The following MKNK1 variants were observed in gnomAD, a reference collection of about 807,000 sequenced individuals.
The protein encoded by MKNK1 is MAP kinase-interacting serine/threonine-protein kinase 1.
Under a neutral mutation model 49.3 loss-of-function variants are expected in MKNK1, and 30 were observed. The ratio of observed to expected loss-of-function variants is 0.61; its 90% confidence interval spans 0.46 to 0.83. MKNK1 has a LOEUF of 0.83. MKNK1 is among the 40% of genes least tolerant of loss of function. MKNK1 has a pLI of 0.00. For synonymous variants in MKNK1, 176 were observed against 201.7 expected (o/e 0.87, Z 1.08); for missense variants, 423 against 524.7 (o/e 0.81, Z 1.89).
intron 11 of MKNK1, among the ~76,000 whole-genome samples, 177 bp downstream of exon 11, chr1:46,561,301 C>T (rs1557821863): frequency 6.6e-6 from 1 of 152,310 alleles, no homozygotes; most frequent in African/African-American, 2.4e-5. Flanking sequence ...CTATAAGGGG[C>T]TCAGTCTGGG....
chr1:46,595,658 A>G (rs1167973721), intron 1 of MKNK1, among the ~76,000 whole-genome samples: 1 of 152,140 alleles, frequency 6.6e-6, no homozygotes, highest in Non-Finnish European at 1.5e-5. Flanking sequence ...TTTATTCCCA[A>G]ACAAATCTGA....
chr1:46,579,994 G>A (rs1002823430), intron 4 of MKNK1, among the ~76,000 whole-genome samples: 1 of 152,036 alleles, frequency 6.6e-6, no homozygotes, highest in Admixed American at 6.5e-5. Flanking sequence ...ATTTTGTGAC[G>A]TGTAAAGTGT....
chr1:46,588,302 C>T (rs1423184916), intron 2 of MKNK1, among the ~76,000 whole-genome samples: 4 of 152,134 alleles, frequency 2.6e-5, no homozygotes, highest in East Asian at 3.8e-4. Context: ...GTTTAACTCA[C>T]GTTTTATTTT....
Position 46,591,053 on chromosome 1 carries a change from G to A in MKNK1, c.-3+3060C>T, listed in dbSNP as rs77709080. 4.7e-3 allele frequency among the ~76,000 whole-genome samples: 717 copies of A among 152,298 alleles called. 6 individuals carry two copies. The highest frequency in any genetic ancestry group is 0.017 in the African/African-American group (690 of 41,570). ...AGTTCTGGTGTCAGGGACAGGCTAC[G>A]TTCTTCTGTCTGACCCATTAGTGGG... On this transcript the variant is annotated intron_variant, in intron 2 of 12. Coordinates refer to ENST00000371945, the MANE Select transcript of MKNK1 (RefSeq NM_001135553.4).
At chr1:46,569,858 C>T (rs1669784635) in intron 7 of MKNK1, 1 of 151,946 alleles carries the variant, frequency 6.6e-6, no homozygotes, top group Non-Finnish European at 1.5e-5. Context: ...GAGCCTTACT[C>T]TCCAAATAGG....
chr1:46,591,043 G>A (rs1673263758), intron 2 of MKNK1, among the ~76,000 whole-genome samples: 1 of 152,190 alleles, frequency 6.6e-6, no homozygotes, highest in African/African-American at 2.4e-5. Context: ...TGGTGTCAGG[G>A]ACAGGCTACG....
chr1:46,558,307 G>A lies in MKNK1; in HGVS notation c.*268C>T, dbSNP rs74075319. 3,103 of 468,174 alleles carry A rather than the reference G, an allele frequency of 6.6e-3. 77 individuals carry two copies. The highest frequency in any genetic ancestry group is 0.054 in the African/African-American group (2,756 of 50,718). 29.0% of individuals were successfully genotyped at this position (468,174 alleles called of 1,614,324 possible). A position where few individuals can be genotyped will look rare whatever the true frequency, so the allele number is the denominator to read the frequency against. ...CAGGCGGGTGAGCAGGTGGAGCCCAGTGAAGAGATGTTCCTGCTGCAGGCA... is the reference window on the plus strand; with the variant it reads ...CAGGCGGGTGAGCAGGTGGAGCCCAATGAAGAGATGTTCCTGCTGCAGGCA... On this transcript the variant is annotated 3_prime_UTR_variant, in exon 13 of 13. Coordinates refer to ENST00000371945, the MANE Select transcript of MKNK1 (RefSeq NM_001135553.4).
At chr1:46,596,962 C>T (rs979430869) in intron 1 of MKNK1, among the ~76,000 whole-genome samples, 3 of 152,206 alleles carry the variant, frequency 2.0e-5, no homozygotes, top group African/African-American at 7.2e-5. Flanking sequence ...TTCCTTCTGG[C>T]ACCATTTAAA....
intron 11 of MKNK1, among the ~76,000 whole-genome samples, chr1:46,561,137 G>T (rs930213093): frequency 3.9e-4 from 60 of 152,176 alleles, no homozygotes; most frequent in African/African-American, 1.4e-3. Context: ...CTCACTTCTG[G>T]GTGTCCTCAG....
chr1:46,580,243 G>A (rs897850010), intron 4 of MKNK1, among the ~76,000 whole-genome samples: 1 of 152,176 alleles, frequency 6.6e-6, no homozygotes, highest in African/African-American at 2.4e-5. Flanking sequence ...AACTTACTAT[G>A]AGCCAGGCAT....
At position 46,572,104 on chromosome 1, in the gene MKNK1, A is replaced by G; in HGVS notation, c.416T>C (p.Val139Ala). 6.2e-7 allele frequency: 1 copy of G among 1,614,144 alleles called. No individual in the cohort carries two copies. The highest frequency in any genetic ancestry group is 8.5e-7 in the Non-Finnish European group (1 of 1,180,006). ...GTCAAGGGCAGCAGCAACGTCCCGC[A>G]CCACTCGGCTGGCTTCTCGCTCATT... ...HFNEREASRV[V>A]RDVAAALDFL... The change falls in exon 7 of 13, where the codon GTG becomes GCG. Residue 139 changes from valine (V) to alanine (A), a missense_variant. Physicochemically the swap from Val to Ala is moderately conservative, Grantham distance 64. Transcript: ENST00000371945.
chr1:46,601,696 A>G (rs975224304), intron 1 of MKNK1, among the ~76,000 whole-genome samples: 5 of 152,238 alleles, frequency 3.3e-5, no homozygotes, highest in African/African-American at 1.2e-4. Context: ...AAGAGGAGGA[A>G]AAACACAAAG....
chr1:46,586,206 C>T (rs1672545354), intron 2 of MKNK1: 1 of 313,968 alleles, frequency 3.2e-6, no homozygotes, highest in African/African-American at 2.2e-5. Context: ...GAGTGGGACC[C>T]CCGCAGTAAA....
chr1:46,570,345 G>A (rs1419511018), intron 7 of MKNK1: 1 of 152,230 alleles, frequency 6.6e-6, no homozygotes, highest in Non-Finnish European at 1.5e-5. Flanking sequence ...TGTCAGGCAG[G>A]TGTTACCTCT....
At chr1:46,580,497 A>C in intron 4 of MKNK1, 33 bp downstream of exon 4, 2 of 1,445,210 alleles carry the variant, frequency 1.4e-6, no homozygotes, top group Admixed American at 1.7e-5. Flanking sequence ...ACTATTTGCA[A>C]AGTAAAGCCT....
intron 12 of MKNK1, 33 bp from the exon 13 acceptor site, chr1:46,558,833 G>A (rs757276051): frequency 6.3e-6 from 10 of 1,590,960 alleles, no homozygotes; most frequent in Non-Finnish European, 7.7e-6. Flanking sequence ...AGAAAAGAGG[G>A]TCAGGACTCT....
intron 6 of MKNK1, chr1:46,574,618 T>C (rs769683800): frequency 8.5e-6 from 2 of 234,132 alleles, no homozygotes; most frequent in Non-Finnish European, 1.7e-5. Flanking sequence ...GCAATGTATT[T>C]GAGAGCTTCC....
intron 2 of MKNK1, among the ~76,000 whole-genome samples, chr1:46,592,407 G>C (rs1263010386): frequency 1.3e-5 from 2 of 152,228 alleles, no homozygotes; most frequent in African/African-American, 4.8e-5. Flanking sequence ...CATTTTAACT[G>C]TGCAGATTCC....
At chr1:46,580,741 A>G (rs948698799) in intron 3 of MKNK1, 114 bp from the exon 4 acceptor site, 6 of 660,806 alleles carry the variant, frequency 9.1e-6, no homozygotes, top group African/African-American at 1.8e-5. Context: ...GCACCCAATG[A>G]CTCTAGCACT....
Sources: gnomAD v4.1 joint callset for allele counts (sites outside exome capture counted in the v4.1 genomes callset) on GRCh38, gnomAD v4.1.1 for gene constraint, MANE v1.5 for transcripts, NCBI Gene and HGNC (gene_info 2026-07-23, HGNC 2026-07-21) for gene names.